CNTRL: variants seen among roughly 807,000 people sequenced by gnomAD.
CNTRL encodes 110 kDa centrosomal protein.
In CNTRL, 233 loss-of-function variants were observed where a neutral mutation model predicts 303.7. The ratio of observed to expected loss-of-function variants is 0.77; its 90% CI spans 0.69 to 0.86. CNTRL has a LOEUF of 0.86. Among genes scored for constraint, CNTRL ranks in the 40% least tolerant of loss-of-function variants. The probability of loss-of-function intolerance (pLI) is 0.00; values close to 1 mark genes in which losing one functional copy is unlikely to be tolerated. For synonymous variants in CNTRL, 900 were observed against 922.2 expected, an observed-to-expected ratio of 0.98 and a Z score of 0.44; for missense variants, 2,524 against 2,650.6, an observed-to-expected ratio of 0.95 and a Z score of 1.05.
chr9:121,152,611 G>A lies in CNTRL; in HGVS notation c.4090G>A (p.Asp1364Asn). 1 of 1,613,994 alleles carries A rather than the reference G, an allele frequency of 6.2e-7. No homozygotes were observed. Among genetic ancestry groups the A allele is most frequent in the Non-Finnish European group, 8.5e-7 (1 of 1,179,880 alleles). ...AATGGAAGAACTGCATCATAATATT[G>A]ATGATCTTTTGCAAGAGAAGAAAAG... ...KEMEELHHNIDDLLQEKKSLE... is the reference protein window; with the variant it reads ...KEMEELHHNINDLLQEKKSLE... Residue 1364 changes from aspartate to asparagine, a missense_variant, in exon 26 of 44, where the codon GAT becomes AAT. Coordinates refer to ENST00000373855, the MANE Select transcript of CNTRL (RefSeq NM_007018.6).
intron 7 of CNTRL, among the ~76,000 whole-genome samples, chr9:121,103,778 CTCA>C (rs1366495321): frequency 6.6e-6 from 1 of 151,414 alleles, no homozygotes; most frequent in Admixed American, 6.6e-5. Flanking sequence ...TGAAAAAATG[CTCA>C]TCATCACTGG....
intron 7 of CNTRL, 114 bp downstream of exon 7, chr9:121,098,686 A>G: frequency 5.6e-6 from 4 of 720,268 alleles, no homozygotes; most frequent in Non-Finnish European, 9.0e-6. Flanking sequence ...TACATGGGAA[A>G]TGGCAGCATA....
intron 4 of CNTRL, among the ~76,000 whole-genome samples, chr9:121,091,717 G>A (rs1239503335): frequency 6.6e-6 from 1 of 151,648 alleles, no homozygotes; most frequent in Non-Finnish European, 1.5e-5. Flanking sequence ...AGTGGCGGGC[G>A]CCTGTAATCC....
At chr9:121,168,343 A>C in intron 38 of CNTRL, 22 bp downstream of exon 38, 2 of 1,598,338 alleles carry the variant, frequency 1.3e-6, no homozygotes, top group Non-Finnish European at 1.7e-6. Flanking sequence ...GGAACTTCTC[A>C]CTGGGAGATG....
intron 12 of CNTRL, 78 bp downstream of exon 12, chr9:121,118,618 T>C (rs534948123): frequency 2.4e-6 from 3 of 1,228,788 alleles, no homozygotes; most frequent in African/African-American, 1.5e-5. Flanking sequence ...GAGTCCAGAG[T>C]CCTTTCTGAA....
rs116495510 is a variant in CNTRL, at chr9:121,159,356, G to A, written c.4929+337G>A. Among the ~76,000 whole-genome samples, 1,112 of 152,218 alleles carry A rather than the reference G, an allele frequency of 7.3e-3. 12 individuals are homozygous for A. The highest frequency in any genetic ancestry group is 0.025 in the African/African-American group (1,048 of 41,516). The stretch of plus-strand genomic sequence containing the variant: ...ACCTCCTCTTAGAAAACTTCTGGCC[G>A]GGTACAGTGGCTCACATCTGTAATC... On this transcript the variant is annotated intron_variant, in intron 31 of 43. Transcript: ENST00000373855.
Position 121,145,274 on chromosome 9 carries a change from G to A in CNTRL, c.3199G>A (p.Gly1067Ser), listed in dbSNP as rs1458149531. ...FRLEMEKTGV[G>S]TGANSQVLEI... is the part of the protein sequence containing the mutation. ...ACTTGAGATGGAGAAAACAGGTGTA[G>A]GTACTGGAGCAAACTCACAGGTCCT... The change falls in exon 22 of 44, where the codon GGT (glycine) becomes AGT (serine). Residue 1067 changes from glycine (G) to serine (S), a missense_variant. Coordinates refer to ENST00000373855, the MANE Select transcript of CNTRL (RefSeq NM_007018.6). The A allele has an allele frequency of 1.2e-6, 2 of 1,613,220 alleles. No homozygotes were observed. Among genetic ancestry groups the A allele is most frequent in the Non-Finnish European group, 1.7e-6 (2 of 1,179,760 alleles).
chr9:121,163,624 G>A (rs1173104874), intron 34 of CNTRL, among the ~76,000 whole-genome samples: 2 of 152,054 alleles, frequency 1.3e-5, no homozygotes, highest in South Asian at 2.1e-4. Context: ...TAAAGGACTT[G>A]TATTCAGAAT....
At chr9:121,112,956 G>C (rs2049813899) in intron 9 of CNTRL, among the ~76,000 whole-genome samples, 1 of 152,014 alleles carries the variant, frequency 6.6e-6, no homozygotes, top group East Asian at 1.9e-4. Context: ...GTAATTACTG[G>C]GTTCAGTATT....
chr9:121,112,306 A>G (rs2049782501), intron 8 of CNTRL, among the ~76,000 whole-genome samples, 153 bp from the exon 9 acceptor site: 1 of 152,156 alleles, frequency 6.6e-6, no homozygotes, highest in South Asian at 2.1e-4. Context: ...TATAATTTAG[A>G]AGTAAGATAA....
intron 6 of CNTRL, among the ~76,000 whole-genome samples, chr9:121,098,069 C>T (rs779874324): frequency 3.3e-5 from 5 of 152,180 alleles, no homozygotes; most frequent in Non-Finnish European, 7.4e-5. Flanking sequence ...GTTTCATTCA[C>T]TTACAAGGCT....
intron 9 of CNTRL, 56 bp from the exon 10 acceptor site, chr9:121,113,446 C>A: frequency 3.2e-6 from 3 of 950,746 alleles, no homozygotes; most frequent in Non-Finnish European, 3.1e-6. Context: ...TGAATAATGT[C>A]ATTTGACTGC....
Position 121,145,445 on chromosome 9 carries a change from C to T in CNTRL, c.3310+60C>T, listed in dbSNP as rs558298713. ...TTGTAGTCATAAAATTAAATCATCT[C>T]ATTTGTTTTTTACCTTTAACTGTTA... On this transcript the variant is annotated intron_variant, in intron 22 of 43. Transcript: ENST00000373855. 1,186 of 1,506,074 alleles carry T rather than the reference C, an allele frequency of 7.9e-4. 20 individuals are homozygous for T. The South Asian group carries it at 0.015, about 19-fold the overall frequency. The allele number at this position is 1,506,074 out of a possible 1,614,324, so 93.3% of individuals were successfully genotyped here.
chr9:121,166,221 G>A (rs750421753), intron 36 of CNTRL, 41 bp downstream of exon 36: 2 of 1,385,182 alleles, frequency 1.4e-6, no homozygotes, highest in Non-Finnish European at 2.0e-6. Flanking sequence ...TATACTGAGG[G>A]TATGCAGACC....
In CNTRL at chr9:121,142,249, A is replaced by C; in HGVS notation, c.2850A>C (p.Gln950His). Reference protein sequence around the residue: ...ADEEKERILAQLRELEKKKKL... With the variant: ...ADEEKERILAHLRELEKKKKL... ...AAGAGAAGGAGAGAATTCTGGCCCA[A>C]CTCCGAGAGTTAGAGAAAAAGGTAG... is the stretch of plus-strand genomic sequence containing the variant. The change falls in exon 19 of 44, where the codon CAA (glutamine) becomes CAC (histidine). Residue 950 changes from glutamine (Q) to histidine (H), a missense_variant. Physicochemically the swap from Gln to His is conservative, Grantham distance 24 (BLOSUM62 0). Transcript: ENST00000373855. The C allele has an allele frequency of 6.2e-7, 1 of 1,600,566 alleles. No individual in the cohort carries two copies.
intron 20 of CNTRL, 116 bp downstream of exon 20, chr9:121,144,198 T>C: frequency 2.2e-6 from 2 of 903,930 alleles, no homozygotes; most frequent in Admixed American, 3.1e-5. Flanking sequence ...CACTGTAAAG[T>C]TGTCTGTTTT....
chr9:121,124,156 T>C (rs2050381513), intron 13 of CNTRL, 72 bp downstream of exon 13: 2 of 1,312,852 alleles, frequency 1.5e-6, no homozygotes, highest in Non-Finnish European at 2.1e-6. Context: ...AAGACAAGCA[T>C]TAATCCAGAT....
intron 19 of CNTRL, among the ~76,000 whole-genome samples, chr9:121,142,552 T>C (rs2051578097): frequency 6.6e-6 from 1 of 152,236 alleles, no homozygotes; most frequent in South Asian, 2.1e-4. Context: ...GTTTGACTCC[T>C]TTGAAACCTC....
At chr9:121,089,575 G>T (rs1484440466) in intron 3 of CNTRL, among the ~76,000 whole-genome samples, 2 of 152,056 alleles carry the variant, frequency 1.3e-5, no homozygotes, top group East Asian at 3.8e-4. Context: ...CTATTTAAAA[G>T]TGCAACAAAT....
Sources: gnomAD v4.1 joint callset for allele counts (sites outside exome capture counted in the v4.1 genomes callset) on GRCh38, gnomAD v4.1.1 for gene constraint, MANE v1.5 for transcripts, NCBI Gene and HGNC (gene_info 2026-07-23, HGNC 2026-07-21) for gene names.